Variants in TBX4 observed in about 807,000 individuals in gnomAD.
The protein encoded by TBX4 is T-box transcription factor 4.
TBX4 carries 13 observed loss-of-function variants against 54.6 expected under a neutral mutation model. The observed-to-expected ratio is 0.24, with a 90% confidence interval of 0.15 to 0.38. TBX4 has a LOEUF of 0.38. TBX4 is among the 10% of genes least tolerant of loss of function. The probability of loss-of-function intolerance (pLI) is 1.00; values close to 1 mark genes in which losing one functional copy is unlikely to be tolerated. For missense variants in TBX4, 631 were observed against 728.5 expected (o/e 0.87, Z 1.54); for synonymous variants, 314 against 306.7 (o/e 1.02, Z -0.25).
In TBX4 at chr17:61,480,446, A is replaced by C; in HGVS notation, c.1021+127A>C. On this transcript the variant is annotated intron_variant, in intron 8 of 8. Transcript: ENST00000644296. This position sits in a 1 kb window ranked among gnomAD's most constrained non-coding sequence, Gnocchi z 6.2. Reference sequence around the variant, plus strand: ...ATCTCGTGCTTGTGTGGCCTGGGAGAGTGGGCCTGAAGGGTTAGGGATCAC... The same window carrying C: ...ATCTCGTGCTTGTGTGGCCTGGGAGCGTGGGCCTGAAGGGTTAGGGATCAC... The C allele has an allele frequency of 1.1e-6, 1 of 894,762 alleles. No individual in the cohort carries two copies. The highest frequency in any genetic ancestry group is 1.8e-6 in the Non-Finnish European group (1 of 565,162). The allele number at this position is 894,762 out of a possible 1,614,324, so 55.4% of individuals were successfully genotyped here.
At position 61,480,056 on chromosome 17, in the gene TBX4, C is replaced by G. The variant is rs541402399; in HGVS notation, c.792-34C>G. 1 of 1,611,690 alleles carries G rather than the reference C, an allele frequency of 6.2e-7. No individual in the cohort carries two copies. Among genetic ancestry groups the G allele is most frequent in the Admixed American group, 1.7e-5 (1 of 60,012 alleles). ...ACCCTCGATGTATCTTCACTCTCTT[C>G]CTGTCTCTCCTCCTGTCCTCCCCAC... On this transcript the variant is annotated intron_variant, in intron 7 of 8. Coordinates refer to ENST00000644296, the MANE Select transcript of TBX4 (RefSeq NM_001321120.2). The surrounding 1 kb of genome is among the most constrained non-coding windows in gnomAD (Gnocchi z 6.2).
rs1005707976 is a variant in TBX4, at chr17:61,484,920, A to C, written c.*1404A>C. ...ACATGTTTGATATTAAAAACTAAGAATGGTTTAGATAAAACATATAAATAA... is the reference window on the plus strand; with the variant it reads ...ACATGTTTGATATTAAAAACTAAGACTGGTTTAGATAAAACATATAAATAA... On this transcript the variant is annotated 3_prime_UTR_variant, in exon 9 of 9. Transcript: ENST00000644296. This position sits in a 1 kb window ranked among gnomAD's most constrained non-coding sequence, Gnocchi z 4.1. The C allele has an allele frequency of 7.0e-6, 1 of 143,334 alleles. No homozygotes were observed. Among genetic ancestry groups the C allele is most frequent in the Non-Finnish European group, 1.5e-5 (1 of 66,426 alleles). 8.9% of individuals were successfully genotyped at this position (143,334 alleles called of 1,614,324 possible). A position where few individuals can be genotyped will look rare whatever the true frequency, so the allele number is the denominator to read the frequency against.
At chr17:61,471,892 A>ATTTTT (rs35198276) in intron 5 of TBX4, among the ~76,000 whole-genome samples, 2 of 72,950 alleles carry the variant, frequency 2.7e-5, no homozygotes, top group African/African-American at 1.0e-4. Context: ...TGCCCAGCTA[A>ATTTTT]TTTTTTTTTT....
At chr17:61,471,892 ATTTTTTTTTTTTT>A (rs35198276) in intron 5 of TBX4, among the ~76,000 whole-genome samples, 18 of 72,950 alleles carry the variant, frequency 2.5e-4, no homozygotes, top group African/African-American at 9.3e-4. Flanking sequence ...TGCCCAGCTA[ATTTTTTTTTTTTT>A]TTTTTTTTTT....
Position 61,482,988 on chromosome 17 carries a change from C to T in TBX4, c.1113C>T (p.Pro371=), listed in dbSNP as rs140385970. The part of the protein sequence containing the change: ...SVGEDHYFRS[P]PPYDQQMLSP... ...GGGAGGATCACTATTTCCGTTCCCC[C>T]CCTCCCTACGACCAGCAAATGCTGA... The change falls in exon 9 of 9, where the codon CCC becomes CCT. Residue 371 remains proline, a synonymous_variant. Transcript: ENST00000644296. 5.1e-5 allele frequency: 82 copies of T among 1,614,076 alleles called. No individual in the cohort carries two copies. The highest frequency in any genetic ancestry group is 4.4e-4 in the South Asian group (40 of 91,076).
At chr17:61,477,244 G>C (rs1248710313) in intron 5 of TBX4, among the ~76,000 whole-genome samples, 2 of 152,256 alleles carry the variant, frequency 1.3e-5, no homozygotes, top group Non-Finnish European at 2.9e-5. Flanking sequence ...TGCCTTCAAT[G>C]GGGAGGGCGT....
chr17:61,483,241 C>A lies in TBX4; in HGVS notation c.1366C>A (p.Leu456Met). ...CACCGCCACCACCATGATGCCGCGG[C>A]TGCCCACCCTCTCCGCTCAGAGCTC... Reference protein sequence around the residue: ...HFTATTMMPRLPTLSAQSSQP... With the variant: ...HFTATTMMPRMPTLSAQSSQP... Residue 456 changes from leucine (L) to methionine (M), a missense_variant, in exon 9 of 9, where the codon CTG (leucine) becomes ATG (methionine). Physicochemically the swap from Leu to Met is conservative, Grantham distance 15. Coordinates refer to ENST00000644296, the MANE Select transcript of TBX4 (RefSeq NM_001321120.2). This position sits in a 1 kb window ranked among gnomAD's most constrained non-coding sequence, Gnocchi z 6.6. 1 of 1,614,206 alleles carries A rather than the reference C, an allele frequency of 6.2e-7. No homozygotes were observed.
rs2060635067 is a variant in TBX4, at chr17:61,478,075, T to G, written c.550-552T>G. ...TCAGCTTTTTCCCTCTCTCTCATCC[T>G]GCAAAACCCAAGTATTTCTAGAAGA... On this transcript the variant is annotated intron_variant, in intron 5 of 8. Transcript: ENST00000644296. This position sits in a 1 kb window ranked among gnomAD's most constrained non-coding sequence, Gnocchi z 7.4. Among the ~76,000 whole-genome samples, 1 of 152,170 alleles carries G rather than the reference T, an allele frequency of 6.6e-6. No individual in the cohort carries two copies. Among genetic ancestry groups the G allele is most frequent in the Non-Finnish European group, 1.5e-5 (1 of 68,034 alleles).
intron 4 of TBX4, among the ~76,000 whole-genome samples, chr17:61,466,934 T>C (rs1411484444): frequency 6.6e-6 from 1 of 152,306 alleles, no homozygotes; most frequent in Admixed American, 6.5e-5. Context: ...GGCAGGAGGA[T>C]GACTTGAAGG....
In TBX4 at chr17:61,457,203, C is replaced by T. The variant is rs2060458115; in HGVS notation, c.187-334C>T. 2.0e-5 allele frequency among the ~76,000 whole-genome samples: 3 copies of T among 152,156 alleles called. No homozygotes were observed. In the East Asian group the frequency reaches 5.8e-4, roughly 29 times the overall value. ...CCTGGCCGAGGGTGCGTGCGCCTCT[C>T]CCTGTCTGTGTCTGCCCCGGGAGCC... On this transcript the variant is annotated intron_variant, in intron 2 of 8. Coordinates refer to ENST00000644296, the MANE Select transcript of TBX4 (RefSeq NM_001321120.2). The surrounding 1 kb of genome is among the most constrained non-coding windows in gnomAD (Gnocchi z 8.2).
At chr17:61,468,893 T>C (rs1273557579) in intron 5 of TBX4, among the ~76,000 whole-genome samples, 2 of 151,982 alleles carry the variant, frequency 1.3e-5, no homozygotes, top group African/African-American at 2.4e-5. Context: ...GGTCAAGACT[T>C]TGTTCCCAGT....
In TBX4 at chr17:61,483,733, C is replaced by T. The variant is rs1273264801; in HGVS notation, c.*217C>T. 1 of 619,806 alleles carries T rather than the reference C, an allele frequency of 1.6e-6. No homozygotes were observed. Among genetic ancestry groups the T allele is most frequent in the African/African-American group, 1.9e-5 (1 of 53,936 alleles). The allele number at this position is 619,806 out of a possible 1,614,324, so 38.4% of individuals were successfully genotyped here. ...GTCATGACAAGGAAAAAAAACACCA[C>T]ATTTATCTAAGAAGTGATTTTGGCT... On this transcript the variant is annotated 3_prime_UTR_variant, in exon 9 of 9. Transcript: ENST00000644296. This position sits in a 1 kb window ranked among gnomAD's most constrained non-coding sequence, Gnocchi z 6.6.
chr17:61,483,481 G>A lies in TBX4; in HGVS notation c.1606G>A (p.Gly536Arg). ...AGAATCTTCCTTACAGTACCATTCAGGAATGGGGACTGTGGAGAACTGGAC... is the reference window on the plus strand; with the variant it reads ...AGAATCTTCCTTACAGTACCATTCAAGAATGGGGACTGTGGAGAACTGGAC... ...SRESSLQYHSGMGTVENWTDG is the reference protein window; with the variant it reads ...SRESSLQYHSRMGTVENWTDG The change falls in exon 9 of 9, where the codon GGA becomes AGA. Residue 536 changes from glycine to arginine, a missense_variant. Around this residue, in one of 3 missense-constraint regions of TBX4, gnomAD observed 354 missense variants for 368.9 expected, o/e 0.96. Transcript: ENST00000644296. This position sits in a 1 kb window ranked among gnomAD's most constrained non-coding sequence, Gnocchi z 6.6. 2.5e-6 allele frequency: 4 copies of A among 1,614,180 alleles called. No homozygotes were observed. Among genetic ancestry groups the A allele is most frequent in the Non-Finnish European group, 3.4e-6 (4 of 1,180,042 alleles).
chr17:61,466,929 G>A (rs2060541361), intron 4 of TBX4, among the ~76,000 whole-genome samples: 1 of 152,202 alleles, frequency 6.6e-6, no homozygotes, highest in Non-Finnish European at 1.5e-5. Flanking sequence ...GCAGAGGCAG[G>A]AGGATGACTT....
chr17:61,462,023 G>A lies in TBX4; in HGVS notation c.282-3796G>A, dbSNP rs2060497356. Among the ~76,000 whole-genome samples, 1 of 152,128 alleles carries A rather than the reference G, an allele frequency of 6.6e-6. No homozygotes were observed. Among genetic ancestry groups the A allele is most frequent in the South Asian group, 2.1e-4 (1 of 4,826 alleles). On this transcript the variant is annotated intron_variant, in intron 3 of 8. Transcript: ENST00000644296. The surrounding 1 kb of genome is among the most constrained non-coding windows in gnomAD (Gnocchi z 4.5). ...CCACCGCTTTGGCCGGGGAGCTCCC[G>A]CGGCTCTCGCAGCGCAGCTAGAACT...
intron 1 of TBX4, among the ~76,000 whole-genome samples, chr17:61,454,505 C>G (rs970539074): frequency 1.3e-5 from 2 of 152,222 alleles, no homozygotes; most frequent in Non-Finnish European, 2.9e-5. Flanking sequence ...CCGAGAGGAC[C>G]GCGAGGACGG....
At position 61,484,940 on chromosome 17, in the gene TBX4, AAATAAAT is replaced by A. The variant is rs1029549834; in HGVS notation, c.*1426_*1432del. On this transcript the variant is annotated 3_prime_UTR_variant, in exon 9 of 9. Transcript: ENST00000644296. This position sits in a 1 kb window ranked among gnomAD's most constrained non-coding sequence, Gnocchi z 4.1. Reference sequence around the variant, plus strand: ...TAAGAATGGTTTAGATAAAACATATAAATAAATATATATATATATATATATATATATA... The same window carrying A: ...TAAGAATGGTTTAGATAAAACATATAATATATATATATATATATATATATA... 9 of 102,936 alleles carry A rather than the reference AAATAAAT, an allele frequency of 8.7e-5. No individual in the cohort carries two copies. Among genetic ancestry groups the A allele is most frequent in the African/African-American group, 2.5e-4 (7 of 27,578 alleles). The allele number at this position is 102,936 out of a possible 1,614,324, so 6.4% of individuals were successfully genotyped here.
At chr17:61,468,892 T>G (rs1267774822) in intron 5 of TBX4, among the ~76,000 whole-genome samples, 2 of 152,110 alleles carry the variant, frequency 1.3e-5, no homozygotes, top group East Asian at 3.9e-4. Flanking sequence ...TGGTCAAGAC[T>G]TTGTTCCCAG....
At chr17:61,477,929 G>A (rs1460148726) in intron 5 of TBX4, among the ~76,000 whole-genome samples, 1 of 120,230 alleles carries the variant, frequency 8.3e-6, no homozygotes, top group Non-Finnish European at 1.6e-5. Flanking sequence ...CAACAAGAGT[G>A]AGATTCCATC....
Sources: gnomAD v4.1 joint callset for allele counts (sites outside exome capture counted in the v4.1 genomes callset) on GRCh38, gnomAD v4.1.1 for gene constraint, gnomAD v4.1.1 regional missense constraint, Gnocchi (gnomAD v3.1) non-coding constraint, MANE v1.5 for transcripts, NCBI Gene and HGNC (gene_info 2026-07-23, HGNC 2026-07-21) for gene names.